Variants in ATAD2B observed in about 807,000 individuals in gnomAD.
The protein encoded by ATAD2B is ATPase family AAA domain containing 2B, also known as ATPase family AAA domain-containing protein 2B.
In ATAD2B, 40 loss-of-function variants were observed where a neutral mutation model predicts 167.6. The observed-to-expected ratio is 0.24, with a 90% CI of 0.19 to 0.31. The LOEUF (loss-of-function observed/expected upper bound fraction) is 0.31. Among genes scored for constraint, ATAD2B ranks in the 10% least tolerant of loss-of-function variants. The pLI, the probability that ATAD2B is intolerant of heterozygous loss-of-function variation, is 1.00. For synonymous variants in ATAD2B, 579 were observed against 596.5 expected (o/e 0.97, Z 0.43); for missense variants, 1,242 against 1,757.2 (o/e 0.71, Z 5.24).
At chr2:23,769,439 CTTTA>C (rs199703812) in intron 22 of ATAD2B, among the ~76,000 whole-genome samples, 3 of 151,826 alleles carry the variant, frequency 2.0e-5, no homozygotes, top group Admixed American at 6.6e-5. Flanking sequence ...GACAGCGTCT[CTTTA>C]TTTATTTATA....
At chr2:23,691,593 T>C in the ATAD2B span, 1 of 1,200,472 alleles carries the variant, frequency 8.3e-7, no homozygotes, top group Non-Finnish European at 1.2e-6. Flanking sequence ...GACCAAGGTG[T>C]GCAGGGAGAT....
At chr2:23,722,835 C>T in the ATAD2B span, among the ~76,000 whole-genome samples, 7 of 152,200 alleles carry the variant, frequency 4.6e-5, no homozygotes, top group South Asian at 4.2e-4. Flanking sequence ...CAAGAGAAAA[C>T]GGTCAAGTCA....
At chr2:23,818,139 C>G (rs1686803548) in intron 17 of ATAD2B, among the ~76,000 whole-genome samples, 1 of 131,148 alleles carries the variant, frequency 7.6e-6, no homozygotes, top group Non-Finnish European at 1.6e-5. Context: ...CACACACACA[C>G]ACAGAGAGAG....
At chr2:23,872,453 G>A (rs1167170771) in intron 8 of ATAD2B, 5 of 729,536 alleles carry the variant, frequency 6.9e-6, no homozygotes, top group Non-Finnish European at 1.3e-5. Context: ...CTGTTGCCAT[G>A]CACTGCAATC....
chr2:23,703,992 C>T, the ATAD2B span: 1 of 1,097,048 alleles, frequency 9.1e-7, no homozygotes, highest in Non-Finnish European at 1.3e-6. Flanking sequence ...CCCTCCCCCT[C>T]CAACCACAGG....
At chr2:23,833,671 A>C (rs1275547888) in intron 14 of ATAD2B, among the ~76,000 whole-genome samples, 1 of 152,236 alleles carries the variant, frequency 6.6e-6, no homozygotes, top group Non-Finnish European at 1.5e-5. Flanking sequence ...GGAGAACTAA[A>C]GCACAAGTAA....
the ATAD2B span, among the ~76,000 whole-genome samples, chr2:23,705,564 T>C: frequency 6.6e-6 from 1 of 150,714 alleles, no homozygotes; most frequent in Admixed American, 6.6e-5. Context: ...GATAATCAGG[T>C]AATAGGTGCA....
At chr2:23,710,853 A>G in the ATAD2B span, among the ~76,000 whole-genome samples, 1 of 152,214 alleles carries the variant, frequency 6.6e-6, no homozygotes, top group East Asian at 1.9e-4. Flanking sequence ...AATATCAGGG[A>G]CTTGAGCATC....
chr2:23,895,983 G>T lies in ATAD2B; in HGVS notation c.217-13C>A, dbSNP rs749085487. On this transcript the variant is annotated splice_polypyrimidine_tract_variant and intron_variant, in intron 1 of 27. Transcript: ENST00000238789. ...CAACTTCAACTTTCTGAAAGACAATGTTAAAAATGTATTTATTATTCCTAT... is the reference window on the plus strand; with the variant it reads ...CAACTTCAACTTTCTGAAAGACAATTTTAAAAATGTATTTATTATTCCTAT... The T allele has an allele frequency of 6.2e-7, 1 of 1,600,166 alleles. No individual in the cohort carries two copies. Among genetic ancestry groups the T allele is most frequent in the East Asian group, 2.2e-5 (1 of 44,588 alleles).
At chr2:23,773,879 C>T (rs1175778648) in intron 22 of ATAD2B, among the ~76,000 whole-genome samples, 1 of 152,132 alleles carries the variant, frequency 6.6e-6, no homozygotes, top group Admixed American at 6.5e-5. Flanking sequence ...AAGATATTAC[C>T]ACTTACATTT....
intron 22 of ATAD2B, among the ~76,000 whole-genome samples, chr2:23,768,648 C>G (rs993290713): frequency 6.6e-6 from 1 of 151,930 alleles, no homozygotes; most frequent in Non-Finnish European, 1.5e-5. Context: ...CTCCCTTCAC[C>G]CTTCCTCACA....
intron 6 of ATAD2B, among the ~76,000 whole-genome samples, chr2:23,882,836 G>T (rs1698148009): frequency 6.6e-6 from 1 of 150,600 alleles, no homozygotes; most frequent in Admixed American, 6.6e-5. Flanking sequence ...AAAAAAAAAA[G>T]ATCTGATGAA....
chr2:23,706,549 G>A, the ATAD2B span: 1 of 1,537,062 alleles, frequency 6.5e-7, no homozygotes, highest in Non-Finnish European at 8.7e-7. Flanking sequence ...CCCGCGCTGG[G>A]CAACATGGAG....
intron 13 of ATAD2B, among the ~76,000 whole-genome samples, chr2:23,836,811 T>C (rs1690057708): frequency 6.6e-6 from 1 of 151,962 alleles, no homozygotes. Context: ...CCTCCTGATG[T>C]CCACTTAGCT....
Position 23,860,967 on chromosome 2 carries a change from A to AT in ATAD2B, c.1479+2413dup, listed in dbSNP as rs1200294956. 2.6e-5 allele frequency among the ~76,000 whole-genome samples: 4 copies of AT among 152,090 alleles called. No individual in the cohort carries two copies. The South Asian group carries it at 6.2e-4, about 24-fold the overall frequency. Reference sequence around the variant, plus strand: ...GCCCGGGCGACAAAAGCGAAACTCCATATCAAATAAATAAATAAATAAATA... The same window carrying AT: ...GCCCGGGCGACAAAAGCGAAACTCCATTATCAAATAAATAAATAAATAAATA... On this transcript the variant is annotated intron_variant, in intron 12 of 27. Coordinates refer to ENST00000238789, the MANE Select transcript of ATAD2B (RefSeq NM_017552.4).
At chr2:23,857,265 C>A in intron 13 of ATAD2B, 150 bp downstream of exon 13, 1 of 483,232 alleles carries the variant, frequency 2.1e-6, no homozygotes, top group Non-Finnish European at 3.7e-6. Context: ...GGTGTGCTGA[C>A]CCCTGTACTA....
At chr2:23,832,184 C>T (rs1296254075) in intron 14 of ATAD2B, 2 of 467,414 alleles carry the variant, frequency 4.3e-6, no homozygotes, top group South Asian at 3.1e-5. Flanking sequence ...CAGAACACCC[C>T]ACTGTCTTTA....
Position 23,872,612 on chromosome 2 carries a change from T to C in ATAD2B, c.978-2851A>G, listed in dbSNP as rs570531645. On this transcript the variant is annotated intron_variant, in intron 8 of 27. Coordinates refer to ENST00000238789, the MANE Select transcript of ATAD2B (RefSeq NM_017552.4). Reference sequence around the variant, plus strand: ...CCTGCGATCCTTACTAATGTTGCTGTAGAAAGGATGGTCAGGCTCCATCGG... The same window carrying C: ...CCTGCGATCCTTACTAATGTTGCTGCAGAAAGGATGGTCAGGCTCCATCGG... The C allele has an allele frequency of 1.6e-5, 21 of 1,320,434 alleles. No individual in the cohort carries two copies. The East Asian group carries it at 4.8e-4, about 30-fold the overall frequency. 81.8% of individuals were successfully genotyped at this position (1,320,434 alleles called of 1,614,324 possible).
At chr2:23,786,413 C>G (rs1359640635) in intron 20 of ATAD2B, among the ~76,000 whole-genome samples, 190 bp from the exon 21 acceptor site, 1 of 151,994 alleles carries the variant, frequency 6.6e-6, no homozygotes, top group Non-Finnish European at 1.5e-5. Flanking sequence ...TAAGAGTATA[C>G]CTGCACAAAC....
Sources: gnomAD v4.1 joint callset for allele counts (sites outside exome capture counted in the v4.1 genomes callset) on GRCh38, gnomAD v4.1.1 for gene constraint, MANE v1.5 for transcripts, NCBI Gene and HGNC (gene_info 2026-07-23, HGNC 2026-07-21) for gene names.